EXOC6B: variants seen among roughly 807,000 people sequenced by gnomAD.
EXOC6B encodes the protein SEC15 homolog B.
EXOC6B carries 54 observed loss-of-function variants against 113.5 expected under a neutral mutation model. That is an observed-to-expected ratio of 0.48 (90% CI 0.38 to 0.60). EXOC6B has a LOEUF of 0.60. EXOC6B is among the 20% of genes least tolerant of loss of function. The pLI, the probability that EXOC6B is intolerant of heterozygous loss-of-function variation, is 0.00. For synonymous variants in EXOC6B, 357 were observed against 339.0 expected (o/e 1.05, Z -0.58); for missense variants, 797 against 977.5 (o/e 0.82, Z 2.46).
intron 20 of EXOC6B, among the ~76,000 whole-genome samples, chr2:72,236,457 G>A (rs913617285): frequency 6.6e-5 from 10 of 152,026 alleles, no homozygotes; most frequent in East Asian, 1.9e-4. Flanking sequence ...TTCCAAAATC[G>A]CCAAATATTT....
intron 1 of EXOC6B, among the ~76,000 whole-genome samples, chr2:72,756,540 T>C (rs559169311): frequency 6.9e-4 from 105 of 152,328 alleles, no homozygotes; most frequent in African/African-American, 2.5e-3. Context: ...ATTTAATCTA[T>C]GCTATTTTAT....
intron 6 of EXOC6B, among the ~76,000 whole-genome samples, chr2:72,588,899 G>C (rs956170426): frequency 6.6e-6 from 1 of 151,920 alleles, no homozygotes; most frequent in African/African-American, 2.4e-5. Context: ...GTAATTCCCA[G>C]CTCTTTTTAA....
chr2:72,823,103 C>T (rs1573855396), intron 1 of EXOC6B, among the ~76,000 whole-genome samples: 1 of 130,616 alleles, frequency 7.7e-6, no homozygotes, highest in South Asian at 2.4e-4. Context: ...ATAGGATATT[C>T]AAGTGAATGA....
intron 18 of EXOC6B, among the ~76,000 whole-genome samples, chr2:72,421,920 A>G (rs1199384239): frequency 6.6e-6 from 1 of 152,220 alleles, no homozygotes; most frequent in Non-Finnish European, 1.5e-5. Flanking sequence ...CCGCACTCAG[A>G]GCAGCCGGCC....
chr2:72,190,087 G>C (rs1324345514), intron 20 of EXOC6B, among the ~76,000 whole-genome samples: 1 of 149,320 alleles, frequency 6.7e-6, no homozygotes, highest in Non-Finnish European at 1.5e-5. Flanking sequence ...CTGGAGTGCA[G>C]TGGTGCAATC....
chr2:72,783,070 C>T (rs1405608831), intron 1 of EXOC6B, among the ~76,000 whole-genome samples: 4 of 152,048 alleles, frequency 2.6e-5, no homozygotes, highest in African/African-American at 9.7e-5. Context: ...CATGATAGTT[C>T]TATTTTTGAG....
chr2:72,715,655 T>C (rs1011594534), intron 6 of EXOC6B, among the ~76,000 whole-genome samples: 1 of 152,128 alleles, frequency 6.6e-6, no homozygotes, highest in Non-Finnish European at 1.5e-5. Flanking sequence ...TGATTTGTTA[T>C]GAAGCAGAGA....
At chr2:72,501,115 A>T (rs947946813) in intron 11 of EXOC6B, among the ~76,000 whole-genome samples, 5 of 152,150 alleles carry the variant, frequency 3.3e-5, no homozygotes, top group African/African-American at 1.2e-4. Context: ...TCCTATAAAC[A>T]TAGTATAAAA....
intron 19 of EXOC6B, among the ~76,000 whole-genome samples, chr2:72,358,602 G>A (rs1161438222): frequency 6.6e-6 from 1 of 152,124 alleles, no homozygotes; most frequent in East Asian, 1.9e-4. Flanking sequence ...AGTTGAGTAT[G>A]CCCAAACTAC....
chr2:72,554,744 C>G (rs1319628478), intron 8 of EXOC6B, among the ~76,000 whole-genome samples: 1 of 151,930 alleles, frequency 6.6e-6, no homozygotes, highest in Non-Finnish European at 1.5e-5. Flanking sequence ...ACACAACTTT[C>G]TTTGTTTTTA....
At chr2:72,465,853 C>T (rs537900294) in intron 17 of EXOC6B, among the ~76,000 whole-genome samples, 3 of 152,214 alleles carry the variant, frequency 2.0e-5, no homozygotes, top group East Asian at 1.9e-4. Flanking sequence ...TCTGTCTTCC[C>T]GTGGAATTCA....
intron 6 of EXOC6B, among the ~76,000 whole-genome samples, chr2:72,714,356 T>C (rs983944359): frequency 2.0e-5 from 3 of 152,112 alleles, no homozygotes; most frequent in East Asian, 1.9e-4. Flanking sequence ...ACTGGTAAAA[T>C]TGGAACCTAT....
At chr2:72,824,084 G>A (rs947788546) in intron 1 of EXOC6B, among the ~76,000 whole-genome samples, 2 of 151,582 alleles carry the variant, frequency 1.3e-5, no homozygotes, top group African/African-American at 4.9e-5. Flanking sequence ...GGAGCTAAAA[G>A]TCACTTTAAG....
At chr2:72,620,057 T>C (rs76196491) in intron 6 of EXOC6B, among the ~76,000 whole-genome samples, 5,298 of 152,320 alleles carry the variant, frequency 0.035, 333 homozygotes, top group African/African-American at 0.12. Flanking sequence ...TCCTGCTCAC[T>C]AACCCAAGCC....
intron 7 of EXOC6B, among the ~76,000 whole-genome samples, chr2:72,573,223 A>G (rs1459073584): frequency 6.6e-6 from 1 of 152,222 alleles, no homozygotes; most frequent in African/African-American, 2.4e-5. Flanking sequence ...TTTTCATCTT[A>G]TCATCTAACC....
Position 72,184,110 on chromosome 2 carries a change from C to A in EXOC6B, c.2274G>T (p.Arg758=). The change falls in exon 21 of 22, where the codon CGG becomes CGT. Residue 758 remains arginine, a synonymous_variant. Transcript: ENST00000272427. ...GGGTCAGAGCAGTCACTGGGTTTAC[C>A]CGGAGGTACTTGCAGTTGGGCTGAC... ...DYGQPNCKYL[R]VNPVTALTLL... 1 of 1,565,882 alleles carries A rather than the reference C, an allele frequency of 6.4e-7. No individual in the cohort carries two copies.
intron 16 of EXOC6B, among the ~76,000 whole-genome samples, chr2:72,491,488 A>T (rs1231201743): frequency 6.6e-6 from 1 of 152,126 alleles, no homozygotes; most frequent in African/African-American, 2.4e-5. Context: ...CCACCTCTAT[A>T]GGTAAAACAG....
chr2:72,645,036 AG>A (rs1182829298), intron 6 of EXOC6B, among the ~76,000 whole-genome samples: 3 of 152,202 alleles, frequency 2.0e-5, no homozygotes, highest in Non-Finnish European at 2.9e-5. Context: ...TGTATTCAGG[AG>A]ACCCATTTCA....
At chr2:72,536,087 T>A (rs556919093) in intron 8 of EXOC6B, among the ~76,000 whole-genome samples, 2 of 152,248 alleles carry the variant, frequency 1.3e-5, no homozygotes, top group East Asian at 3.9e-4. Context: ...AGGATTGATT[T>A]TAAAATGTTC....
Sources: allele counts gnomAD v4.1 joint callset (sites outside exome capture counted in the v4.1 genomes callset), GRCh38; gene constraint gnomAD v4.1.1; transcripts MANE v1.5; gene names NCBI Gene and HGNC (gene_info 2026-07-23, HGNC 2026-07-21).